The following ZNF215 variants were observed in gnomAD, a reference collection of about 807,000 sequenced individuals.
The protein encoded by ZNF215 is zinc finger protein 215, also known as BWSCR2-associated zinc finger protein 2.
ZNF215 carries 24 observed loss-of-function variants against 27.2 expected under a neutral mutation model. The observed-to-expected ratio is 0.88, with a 90% CI of 0.64 to 1.24. The LOEUF is 1.24. ZNF215 is among the 50% of genes most tolerant of loss of function. ZNF215 has a pLI of 0.00. For missense variants in ZNF215, 675 were observed against 605.7 expected (o/e 1.11, Z -1.20); for synonymous variants, 210 against 204.0 (o/e 1.03, Z -0.25).
intron 5 of ZNF215, among the ~76,000 whole-genome samples, chr11:6,970,475 T>A (rs1398287877): frequency 6.6e-6 from 1 of 152,220 alleles, no homozygotes; most frequent in African/African-American, 2.4e-5. Flanking sequence ...CTATTAACTT[T>A]GTTAGGTGAT....
At chr11:6,973,763 G>A (rs1210875948) in intron 5 of ZNF215, among the ~76,000 whole-genome samples, 1 of 152,136 alleles carries the variant, frequency 6.6e-6, no homozygotes, top group African/African-American at 2.4e-5. Flanking sequence ...TTGTAAACTT[G>A]TTTGAGTTCT....
chr11:6,968,694 CA>C (rs1850670830), intron 5 of ZNF215, among the ~76,000 whole-genome samples: 2 of 151,852 alleles, frequency 1.3e-5, no homozygotes, highest in Non-Finnish European at 2.9e-5. Flanking sequence ...GGCAAAATCA[CA>C]TCTTTACAAA....
At chr11:6,941,519 G>C in intron 3 of ZNF215, 52 bp from the exon 4 acceptor site, 1 of 1,510,496 alleles carries the variant, frequency 6.6e-7, no homozygotes. Context: ...ATTATTAGAA[G>C]TTGCTCCAGG....
chr11:6,947,386 A>C (rs1033170868), intron 6 of ZNF215, among the ~76,000 whole-genome samples: 14 of 151,930 alleles, frequency 9.2e-5, no homozygotes, highest in Non-Finnish European at 1.8e-4. Flanking sequence ...CCATGGCAAG[A>C]CTCCATCTCT....
chr11:6,953,301 G>A (rs1264120542), intron 6 of ZNF215, among the ~76,000 whole-genome samples: 1 of 152,186 alleles, frequency 6.6e-6, no homozygotes, highest in Non-Finnish European at 1.5e-5. Flanking sequence ...GATTGGGAAA[G>A]TTCTCCTGGA....
At chr11:6,951,122 G>A (rs1448292400) in intron 6 of ZNF215, among the ~76,000 whole-genome samples, 6 of 152,146 alleles carry the variant, frequency 3.9e-5, no homozygotes, top group African/African-American at 1.4e-4. Context: ...ATGTGCTGCT[G>A]GATTTGCTTT....
chr11:6,987,417 G>C (rs1851070549), downstream of ZNF215, among the ~76,000 whole-genome samples: 1 of 151,992 alleles, frequency 6.6e-6, no homozygotes, highest in Non-Finnish European at 1.5e-5. Context: ...ACTACCTTTG[G>C]GTACTATACT....
downstream of ZNF215, among the ~76,000 whole-genome samples, chr11:6,962,944 A>G (rs991069130): frequency 1.3e-5 from 2 of 152,090 alleles, no homozygotes; most frequent in Admixed American, 6.6e-5. Context: ...GTTGTGTGTC[A>G]TAAGTCCTTG....
chr11:6,945,405 C>T (rs1590058522), intron 6 of ZNF215, among the ~76,000 whole-genome samples: 1 of 152,110 alleles, frequency 6.6e-6, no homozygotes, highest in South Asian at 2.1e-4. Context: ...CTCTTTTTCT[C>T]ACCTCTTCTT....
downstream of ZNF215, among the ~76,000 whole-genome samples, chr11:6,960,896 A>G (rs1850503069): frequency 6.6e-6 from 1 of 152,022 alleles, no homozygotes; most frequent in Non-Finnish European, 1.5e-5. Flanking sequence ...ATATTCTATC[A>G]CCCTGGACCT....
intron 6 of ZNF215, among the ~76,000 whole-genome samples, chr11:6,950,643 G>A (rs1850017436): frequency 6.6e-6 from 1 of 151,128 alleles, no homozygotes; most frequent in Admixed American, 6.6e-5. Context: ...CTGAGACGAT[G>A]GGGTTTTCTA....
At chr11:6,978,037 T>C (rs1296405807) in intron 5 of ZNF215, among the ~76,000 whole-genome samples, 1 of 152,064 alleles carries the variant, frequency 6.6e-6, no homozygotes, top group East Asian at 1.9e-4. Context: ...ATCAGTGTAA[T>C]GCCTCTTTTT....
rs561048986 is a variant in ZNF215, at chr11:6,943,743, T to G, written c.712+102T>G. ...TTTGAATTGTTAGTTGGGAAGGAGA[T>G]AGCAAAACCTAAACTTTGAGGGGGA... On this transcript the variant is annotated intron_variant, in intron 6 of 6. Coordinates refer to ENST00000278319, the MANE Select transcript of ZNF215 (RefSeq NM_013250.4). 1.3e-5 allele frequency: 12 copies of G among 901,160 alleles called. No homozygotes were observed. In the South Asian group the frequency reaches 1.7e-4, roughly 13 times the overall value. 55.8% of individuals were successfully genotyped at this position (901,160 alleles called of 1,614,324 possible).
At chr11:6,931,614 A>G (rs750705754) in intron 2 of ZNF215, among the ~76,000 whole-genome samples, 3 of 151,434 alleles carry the variant, frequency 2.0e-5, no homozygotes, top group Non-Finnish European at 4.4e-5. Flanking sequence ...ATAATAGTTT[A>G]TGGATATTAT....
chr11:6,986,839 TCAAAAACAAAAA>T (rs111675108), downstream of ZNF215, among the ~76,000 whole-genome samples: 1 of 151,418 alleles, frequency 6.6e-6, no homozygotes, highest in Non-Finnish European at 1.5e-5. Context: ...TGTTAAAAAG[TCAAAAACAAAAA>T]CAAAAACAAA....
chr11:6,984,002 A>G (rs1455172819), intron 5 of ZNF215: 8 of 272,794 alleles, frequency 2.9e-5, no homozygotes, highest in Non-Finnish European at 5.7e-5. Flanking sequence ...AAAACATGAT[A>G]GTACTCAGTA....
At chr11:6,947,861 G>A (rs1849878623) in intron 6 of ZNF215, among the ~76,000 whole-genome samples, 1 of 152,222 alleles carries the variant, frequency 6.6e-6, no homozygotes, top group Non-Finnish European at 1.5e-5. Flanking sequence ...CACATCACAT[G>A]GGTGGTAGTT....
At chr11:6,973,941 T>C (rs571911839) in intron 5 of ZNF215, among the ~76,000 whole-genome samples, 1 of 152,330 alleles carries the variant, frequency 6.6e-6, no homozygotes, top group East Asian at 1.9e-4. Context: ...GCTATTGCTT[T>C]TGGTGTTTTA....
chr11:6,945,996 C>T (rs1274686338), intron 6 of ZNF215, among the ~76,000 whole-genome samples: 2 of 152,018 alleles, frequency 1.3e-5, no homozygotes, highest in Admixed American at 1.3e-4. Context: ...TCTATTATTC[C>T]CTGAGTAAAT....
Sources: allele counts gnomAD v4.1 joint callset (sites outside exome capture counted in the v4.1 genomes callset), GRCh38; gene constraint gnomAD v4.1.1; transcripts MANE v1.5; gene names NCBI Gene and HGNC (gene_info 2026-07-23, HGNC 2026-07-21).